Variants in CWF19L2 observed in about 807,000 individuals in gnomAD.
CWF19L2 encodes CWF19 like cell cycle control factor 2.
A neutral mutation model predicts 111.7 loss-of-function variants in CWF19L2; 98 were observed. The ratio of observed to expected loss-of-function variants is 0.88; its 90% CI spans 0.75 to 1.04. The LOEUF (loss-of-function observed/expected upper bound fraction) is 1.04. Among genes scored for constraint, CWF19L2 ranks in the 50% least tolerant of loss-of-function variants. The pLI is 0.00. For missense variants in CWF19L2, 1,101 were observed against 1,051.4 expected, an observed-to-expected ratio of 1.05 and a Z score of -0.65; for synonymous variants, 351 against 342.9, an observed-to-expected ratio of 1.02 and a Z score of -0.26.
At chr11:107,368,561 T>C (rs1461214635) in intron 12 of CWF19L2, among the ~76,000 whole-genome samples, 2 of 137,902 alleles carry the variant, frequency 1.5e-5, no homozygotes, top group Non-Finnish European at 3.1e-5. Flanking sequence ...TATAAAGATA[T>C]AATGATTTTA....
chr11:107,423,726 C>T (rs533432455), intron 8 of CWF19L2, among the ~76,000 whole-genome samples: 16 of 151,970 alleles, frequency 1.1e-4, no homozygotes, highest in South Asian at 1.0e-3. Flanking sequence ...AACAAGTCCA[C>T]ACATAATCTC....
intron 12 of CWF19L2, among the ~76,000 whole-genome samples, chr11:107,385,486 A>C (rs572358322): frequency 1.1e-4 from 16 of 152,330 alleles, no homozygotes; most frequent in African/African-American, 2.9e-4. Context: ...ACGTCAATTT[A>C]TCTAAACGTC....
intron 12 of CWF19L2, among the ~76,000 whole-genome samples, chr11:107,379,143 A>G (rs1023422727): frequency 6.6e-6 from 1 of 152,220 alleles, no homozygotes; most frequent in Non-Finnish European, 1.5e-5. Context: ...CCCTGTTGAG[A>G]GACAATTATA....
intron 13 of CWF19L2, among the ~76,000 whole-genome samples, chr11:107,350,616 A>T (rs1034819292): frequency 6.6e-6 from 1 of 152,162 alleles, no homozygotes; most frequent in Non-Finnish European, 1.5e-5. Flanking sequence ...GTTGCTGATA[A>T]GCCATCCAGT....
At position 107,326,807 on chromosome 11, in the gene CWF19L2, T is replaced by C. The variant is rs564200649; in HGVS notation, c.*103A>G. On this transcript the variant is annotated 3_prime_UTR_variant, in exon 18 of 18. Transcript: ENST00000282251. ...ACTGACCCAGAGCAGTCTGCTGCTGTGACTCTCTCTGCCTGTGACCTGAGG... is the reference window on the plus strand; with the variant it reads ...ACTGACCCAGAGCAGTCTGCTGCTGCGACTCTCTCTGCCTGTGACCTGAGG... The C allele has an allele frequency of 1.1e-4, 101 of 955,932 alleles. 2 individuals are homozygous for C. The South Asian group carries it at 1.7e-3, about 17-fold the overall frequency. The allele number at this position is 955,932 out of a possible 1,614,324, so 59.2% of individuals were successfully genotyped here. A position where few individuals can be genotyped will look rare whatever the true frequency, so the allele number is the denominator to read the frequency against.
chr11:107,328,456 A>T (rs907469640), intron 17 of CWF19L2, among the ~76,000 whole-genome samples: 1 of 152,152 alleles, frequency 6.6e-6, no homozygotes, highest in African/African-American at 2.4e-5. Context: ...CTATCCCCAT[A>T]ATCTCTTCTT....
At chr11:107,396,614 T>C (rs911748731) in intron 10 of CWF19L2, among the ~76,000 whole-genome samples, 1 of 152,174 alleles carries the variant, frequency 6.6e-6, no homozygotes, top group Non-Finnish European at 1.5e-5. Flanking sequence ...CTCCCACAAG[T>C]GCATATCATT....
At chr11:107,441,338 T>C (rs990514329) in intron 5 of CWF19L2, among the ~76,000 whole-genome samples, 165 bp downstream of exon 5, 91 of 152,208 alleles carry the variant, frequency 6.0e-4, no homozygotes, top group African/African-American at 2.0e-3. Flanking sequence ...CTATAGGAAA[T>C]TTATTTTTCT....
chr11:107,346,465 T>A (rs965771350), intron 14 of CWF19L2, among the ~76,000 whole-genome samples: 4 of 152,144 alleles, frequency 2.6e-5, no homozygotes, highest in African/African-American at 9.7e-5. Flanking sequence ...GGTTCATACC[T>A]TGGGGAGGAG....
chr11:107,455,990 A>G (rs1257886507), intron 1 of CWF19L2, among the ~76,000 whole-genome samples: 1 of 152,218 alleles, frequency 6.6e-6, no homozygotes, highest in African/African-American at 2.4e-5. Flanking sequence ...CTGCATTTCC[A>G]ATCTCCAGTG....
At chr11:107,356,351 C>A (rs1206898257) in intron 12 of CWF19L2, among the ~76,000 whole-genome samples, 2 of 151,960 alleles carry the variant, frequency 1.3e-5, no homozygotes, top group Non-Finnish European at 2.9e-5. Flanking sequence ...AAATAAAACC[C>A]AATGTAAATA....
rs181637780 is a variant in CWF19L2, at chr11:107,381,773, G to A, written c.1872+8301C>T. Reference sequence around the variant, plus strand: ...AGGATTTCAAGTGTATATTATTAGAGAAACATGTAATATATATCCTAAAGA... The same window carrying A: ...AGGATTTCAAGTGTATATTATTAGAAAAACATGTAATATATATCCTAAAGA... On this transcript the variant is annotated intron_variant, in intron 12 of 17. Transcript: ENST00000282251. Among the ~76,000 whole-genome samples the A allele has an allele frequency of 8.5e-5, 13 of 152,222 alleles. No homozygotes were observed. The East Asian group carries it at 1.9e-3, about 23-fold the overall frequency.
intron 10 of CWF19L2, among the ~76,000 whole-genome samples, chr11:107,403,253 TA>T (rs144546078): frequency 1.3e-5 from 2 of 151,688 alleles, no homozygotes; most frequent in African/African-American, 4.8e-5. Context: ...AAATTAAAAT[TA>T]AAAAAAACTG....
chr11:107,412,568 T>C (rs946436876), intron 10 of CWF19L2, among the ~76,000 whole-genome samples: 5 of 152,218 alleles, frequency 3.3e-5, no homozygotes, highest in African/African-American at 4.8e-5. Context: ...CTCGAACTCC[T>C]GACCTCAAGC....
At chr11:107,392,133 A>T (rs1860857397) in intron 11 of CWF19L2, among the ~76,000 whole-genome samples, 1 of 152,200 alleles carries the variant, frequency 6.6e-6, no homozygotes, top group South Asian at 2.1e-4. Flanking sequence ...TAGAATCTCT[A>T]GCAACATAGG....
rs535381179 is a variant in CWF19L2 at position 107,361,425 on chromosome 11, T to A, written c.1873-7689A>T. Among the ~76,000 whole-genome samples the A allele has an allele frequency of 2.0e-5, 3 of 152,192 alleles. No homozygotes were observed. The South Asian group carries it at 6.2e-4, about 31-fold the overall frequency. On this transcript the variant is annotated intron_variant, in intron 12 of 17. Coordinates refer to ENST00000282251, the MANE Select transcript of CWF19L2 (RefSeq NM_152434.3). ...GCTTTGCAGCTTTGGGTTTTTTTTA[T>A]TGTTTTTGCTTAGGATTTCTTTGGC...
intron 3 of CWF19L2, among the ~76,000 whole-genome samples, chr11:107,447,625 A>T (rs990537282): frequency 6.6e-6 from 1 of 152,240 alleles, no homozygotes; most frequent in African/African-American, 2.4e-5. Flanking sequence ...AACAAAACTT[A>T]AAAACAATCC....
At chr11:107,328,811 T>C (rs1439685194) in intron 17 of CWF19L2, among the ~76,000 whole-genome samples, 3 of 152,194 alleles carry the variant, frequency 2.0e-5, no homozygotes, top group African/African-American at 7.2e-5. Context: ...AACAGGATTT[T>C]TCAGAACAGT....
chr11:107,341,411 A>T (rs917367869), intron 14 of CWF19L2, among the ~76,000 whole-genome samples: 43 of 152,164 alleles, frequency 2.8e-4, no homozygotes, highest in African/African-American at 9.9e-4. Flanking sequence ...CTAATATTGA[A>T]CCAGTCTTTC....
Sources: gnomAD v4.1 joint callset for allele counts (sites outside exome capture counted in the v4.1 genomes callset) on GRCh38, gnomAD v4.1.1 for gene constraint, MANE v1.5 for transcripts, NCBI Gene and HGNC (gene_info 2026-07-23, HGNC 2026-07-21) for gene names.